Variants in HYAL1 observed in about 807,000 individuals in gnomAD.
HYAL1 encodes the protein hyaluronidase-1.
HYAL1 carries 21 observed loss-of-function variants against 28.8 expected under a neutral mutation model. The observed-to-expected ratio is 0.73, with a 90% CI of 0.52 to 1.05. The LOEUF is 1.05. Among genes scored for constraint, HYAL1 ranks in the 50% least tolerant of loss-of-function variants. The pLI is 0.00. For missense variants in HYAL1, 491 were observed against 579.2 expected (o/e 0.85, Z 1.56); for synonymous variants, 200 against 230.1 (o/e 0.87, Z 1.18).
chr3:50,309,835 T>A (rs1702411926), intron 1 of HYAL1: 1 of 151,386 alleles, frequency 6.6e-6, no homozygotes, highest in South Asian at 2.1e-4. Flanking sequence ...CAGGTTTATG[T>A]TTATCTTGGA....
chr3:50,303,117 A>G (rs1263581996), intron 1 of HYAL1, 137 bp from the exon 2 acceptor site: 34 of 697,630 alleles, frequency 4.9e-5, no homozygotes, highest in Non-Finnish European at 7.2e-5. Context: ...GCAGGGCTCC[A>G]GGAGGGCAGG....
intron 1 of HYAL1, among the ~76,000 whole-genome samples, chr3:50,310,397 G>A (rs1702421424): frequency 6.7e-6 from 1 of 148,858 alleles, no homozygotes; most frequent in African/African-American, 2.5e-5. Flanking sequence ...CTGAGTAGCT[G>A]GGACTACAGG....
chr3:50,307,383 A>AAATAAAT (rs1702351913), upstream of HYAL1, among the ~76,000 whole-genome samples: 1 of 148,604 alleles, frequency 6.7e-6, no homozygotes, highest in Non-Finnish European at 1.5e-5. Flanking sequence ...AAAAAATAAA[A>AAATAAAT]AATAAACCAA....
chr3:50,312,162 G>T (rs1255330718), intron 1 of HYAL1: 4 of 157,880 alleles, frequency 2.5e-5, no homozygotes, highest in African/African-American at 9.7e-5. Flanking sequence ...TGGCCAGGCG[G>T]GGGGTTGACC....
chr3:50,300,310 A>G lies in HYAL1; in HGVS notation c.*173T>C, dbSNP rs184872974. 1,824 of 690,132 alleles carry G rather than the reference A, an allele frequency of 2.6e-3. 3 individuals are homozygous for G. The highest frequency in any genetic ancestry group is 3.9e-3 in the Non-Finnish European group (1,502 of 387,870). The allele number at this position is 690,132 out of a possible 1,614,324, so 42.8% of individuals were successfully genotyped here. ...TGCTGTGGTTCTAACTCCTTATGCC[A>G]CTATTCCAGTCTGTAAGTATGCATG... On this transcript the variant is annotated 3_prime_UTR_variant, in exon 4 of 4. Transcript: ENST00000395144.
At chr3:50,305,096 C>T (rs1190634870), upstream of HYAL1, among the ~76,000 whole-genome samples, 1 of 152,210 alleles carries the variant, frequency 6.6e-6, no homozygotes, top group Non-Finnish European at 1.5e-5. Flanking sequence ...ATGATTGCCT[C>T]CATTGCCTCT....
At chr3:50,307,523 AC>A (rs1227232491), upstream of HYAL1, among the ~76,000 whole-genome samples, 1 of 148,504 alleles carries the variant, frequency 6.7e-6, no homozygotes, top group Non-Finnish European at 1.5e-5. Flanking sequence ...TACTAAAAAT[AC>A]AAAAAATTAA....
intron 1 of HYAL1, among the ~76,000 whole-genome samples, chr3:50,311,317 T>TG (rs1702446432): frequency 8.1e-6 from 1 of 123,836 alleles, no homozygotes; most frequent in Non-Finnish European, 1.8e-5. Flanking sequence ...GGCGGGGGGC[T>TG]GACCCCCCCA....
rs1559818250 is a variant in HYAL1, at chr3:50,301,639, G to GAAAAAA, written c.900+417_900+418insTTTTTT. On this transcript the variant is annotated intron_variant, in intron 2 of 3. Transcript: ENST00000395144. Reference sequence around the variant, plus strand: ...TCAAAAAAAAAAAAAAAAAAAGGATGAATGAATGGATGAAAATGTCCCAAG... The same window carrying GAAAAAA: ...TCAAAAAAAAAAAAAAAAAAAGGATGAAAAAAAATGAATGGATGAAAATGTCCCAAG... Among the ~76,000 whole-genome samples the GAAAAAA allele has an allele frequency of 3.0e-3, 430 of 142,044 alleles. 3 individuals are homozygous for GAAAAAA. The highest frequency in any genetic ancestry group is 0.011 in the African/African-American group (407 of 37,954). The allele number at this position is 142,044 out of a possible 152,430, so 93.2% of individuals were successfully genotyped here.
chr3:50,305,238 GT>G (rs782267132), upstream of HYAL1, among the ~76,000 whole-genome samples: 3 of 149,714 alleles, frequency 2.0e-5, no homozygotes, highest in South Asian at 4.2e-4. Flanking sequence ...ATGTACTTCT[GT>G]TTTTTTTTTA....
Position 50,309,487 on chromosome 3 carries a change from T to G in HYAL1, c.-191+172A>C, listed in dbSNP as rs1553714470. 2.0e-5 allele frequency among the ~76,000 whole-genome samples: 3 copies of G among 149,334 alleles called. 1 individual carries two copies. The highest frequency in any genetic ancestry group is 7.5e-5 in the African/African-American group (3 of 39,770). ...AAAAAAAAAAAAAAAAAAAAGAATCTGTTTTCATTTGTAACAGGACACAAT... is the reference window on the plus strand; with the variant it reads ...AAAAAAAAAAAAAAAAAAAAGAATCGGTTTTCATTTGTAACAGGACACAAT... On this transcript the variant is annotated intron_variant, in intron 2 of 5. Coordinates refer to the HYAL1 transcript ENST00000320295.
upstream of HYAL1, among the ~76,000 whole-genome samples, chr3:50,307,700 A>C (rs1459287839): frequency 1.3e-5 from 2 of 149,866 alleles, no homozygotes. Flanking sequence ...AAAAAAAAAA[A>C]AAAACCCAAA....
chr3:50,300,766 G>T lies in HYAL1; in HGVS notation c.1025C>A (p.Thr342Asn), dbSNP rs1015939647. The change falls in exon 4 of 4, where the codon ACT becomes AAT. Residue 342 changes from threonine (T) to asparagine (N), a missense_variant. By Grantham distance (65) the Thr-to-Asn change is moderately conservative. Transcript: ENST00000395144. ...GTTCAGGATGAAGGGCCCCAGTGTA[G>T]TGTCCATATACTCCTTGATGGCCTG... ...SCQAIKEYMDTTLGPFILNVT... is the reference protein window; with the variant it reads ...SCQAIKEYMDNTLGPFILNVT... 4.3e-6 allele frequency: 7 copies of T among 1,614,038 alleles called. No individual in the cohort carries two copies. Among genetic ancestry groups the T allele is most frequent in the Non-Finnish European group, 5.9e-6 (7 of 1,179,998 alleles).
upstream of HYAL1, among the ~76,000 whole-genome samples, chr3:50,307,560 A>G (rs374976764): frequency 2.6e-4 from 37 of 142,858 alleles, 1 homozygote; most frequent in East Asian, 8.0e-3. Flanking sequence ...GGGCGCCTGT[A>G]GTCCCAGCTA....
At chr3:50,304,296 AATATATATATATATATAT>A (rs1175956843), upstream of HYAL1, among the ~76,000 whole-genome samples, 239 of 30,422 alleles carry the variant, frequency 7.9e-3, 6 homozygotes, top group Middle Eastern at 0.031. Flanking sequence ...AAAAAAAAAA[AATATATATATATATATAT>A]ATATATATAT....
In HYAL1 at chr3:50,300,744, C is replaced by G. The variant is rs782279681; in HGVS notation, c.1047G>C (p.Leu349=). ...AGAGAAGGGCCCCACTGGTCACGTT[C>G]AGGATGAAGGGCCCCAGTGTAGTGT... ...YMDTTLGPFI[L]NVTSGALLCS... Residue 349 remains leucine, a synonymous_variant, in exon 4 of 4, where the codon CTG becomes CTC. Coordinates refer to ENST00000395144, the MANE Select transcript of HYAL1 (RefSeq NM_033159.4). The G allele has an allele frequency of 4.2e-5, 67 of 1,613,940 alleles. No homozygotes were observed. Among genetic ancestry groups the G allele is most frequent in the Non-Finnish European group, 5.1e-5 (60 of 1,180,010 alleles).
intron 1 of HYAL1, chr3:50,312,170 A>AG (rs1483603834): frequency 1.3e-5 from 2 of 149,970 alleles, no homozygotes; most frequent in Admixed American, 1.4e-4. Flanking sequence ...CGGGGGGTTG[A>AG]CCCCCCCATC....
chr3:50,302,132 AGCCACAGCCACACGGAAT>A lies in HYAL1; in HGVS notation c.807_824del (p.Phe270_Ala275del). ...GCACCGGCAGATTGGGGTCACCAGC[AGCCACAGCCACACGGAAT>A]GCCTCGGCCACACGGTGTTGCACAT... On this transcript the variant is annotated inframe_deletion, in exon 2 of 4. Transcript: ENST00000395144. The surrounding 1 kb of genome is among the most constrained non-coding windows in gnomAD (Gnocchi z 5.0). The A allele has an allele frequency of 6.2e-7, 1 of 1,614,226 alleles. No individual in the cohort carries two copies. The highest frequency in any genetic ancestry group is 1.1e-5 in the South Asian group (1 of 91,088).
At position 50,300,450 on chromosome 3, in the gene HYAL1, GT is replaced by G; in HGVS notation, c.*32del. On this transcript the variant is annotated 3_prime_UTR_variant, in exon 4 of 4. Coordinates refer to ENST00000395144, the MANE Select transcript of HYAL1 (RefSeq NM_033159.4). ...CCTGGCCAGACCCAGAGTGCATTAG[GT>G]TCTCAATATGTGCAACTCAGTGTGT... 1 of 1,610,238 alleles carries G rather than the reference GT, an allele frequency of 6.2e-7. No individual in the cohort carries two copies. The highest frequency in any genetic ancestry group is 8.5e-7 in the Non-Finnish European group (1 of 1,176,622).
Sources: gnomAD v4.1 joint callset for allele counts (sites outside exome capture counted in the v4.1 genomes callset) on GRCh38, gnomAD v4.1.1 for gene constraint, Gnocchi (gnomAD v3.1) non-coding constraint, MANE v1.5 for transcripts, NCBI Gene and HGNC (gene_info 2026-07-23, HGNC 2026-07-21) for gene names.